The following NRG3 variants were observed in gnomAD, a reference collection of about 807,000 sequenced individuals.
NRG3 encodes neuregulin 3, also known as pro-neuregulin-3, membrane-bound isoform.
A neutral mutation model predicts 66.9 loss-of-function variants in NRG3; 31 were observed. The ratio of observed to expected loss-of-function variants is 0.46; its 90% CI spans 0.35 to 0.63. The LOEUF (loss-of-function observed/expected upper bound fraction) is 0.63, where lower values mean the gene tolerates loss of function less well. NRG3 is among the 20% of genes least tolerant of loss of function. The pLI is 0.00. For synonymous variants in NRG3, 393 were observed against 359.4 expected (o/e 1.09, Z -1.06); for missense variants, 910 against 878.9 (o/e 1.04, Z -0.45).
chr10:82,845,042 C>A (rs2135782651), intron 3 of NRG3, among the ~76,000 whole-genome samples: 1 of 152,230 alleles, frequency 6.6e-6, no homozygotes, highest in Non-Finnish European at 1.5e-5. Context: ...GTAATCCCAG[C>A]TACCTGGGAG....
intron 2 of NRG3, among the ~76,000 whole-genome samples, chr10:82,369,584 A>G (rs1391492082): frequency 7.2e-6 from 1 of 138,204 alleles, no homozygotes; most frequent in African/African-American, 3.4e-5. Flanking sequence ...ATAGGTGTAA[A>G]CCACGGTGCC....
At chr10:82,209,948 T>G (rs1296007412) in intron 1 of NRG3, among the ~76,000 whole-genome samples, 1 of 152,234 alleles carries the variant, frequency 6.6e-6, no homozygotes, top group African/African-American at 2.4e-5. Context: ...AAATCAAGGA[T>G]ATATATTTTC....
At chr10:82,825,787 C>T (rs764747025) in intron 3 of NRG3, among the ~76,000 whole-genome samples, 8 of 152,102 alleles carry the variant, frequency 5.3e-5, no homozygotes, top group African/African-American at 1.2e-4. Flanking sequence ...ATGTAACATA[C>T]GATTAAATAT....
intron 2 of NRG3, among the ~76,000 whole-genome samples, chr10:82,559,074 T>A (rs1414086537): frequency 6.6e-6 from 1 of 152,192 alleles, no homozygotes; most frequent in African/African-American, 2.4e-5. Flanking sequence ...TTTGTATGCA[T>A]GCATAAAATT....
intron 3 of NRG3, among the ~76,000 whole-genome samples, chr10:82,792,292 A>G (rs907695184): frequency 1.3e-5 from 2 of 152,170 alleles, no homozygotes; most frequent in South Asian, 4.1e-4. Flanking sequence ...ACTCTTCTTC[A>G]TTGATAGGTC....
chr10:82,198,830 C>T (rs138946469), intron 1 of NRG3, among the ~76,000 whole-genome samples: 1 of 152,062 alleles, frequency 6.6e-6, no homozygotes, highest in East Asian at 1.9e-4. Flanking sequence ...AACCCCGTCT[C>T]TACTAAAAAT....
At chr10:82,678,267 G>T (rs1374720806) in intron 2 of NRG3, among the ~76,000 whole-genome samples, 1 of 152,114 alleles carries the variant, frequency 6.6e-6, no homozygotes, top group African/African-American at 2.4e-5. Flanking sequence ...GGTGCAGGCG[G>T]GTTGAGTCCG....
chr10:81,913,336 A>T (rs1466373250), intron 1 of NRG3, among the ~76,000 whole-genome samples: 2 of 151,990 alleles, frequency 1.3e-5, no homozygotes, highest in Non-Finnish European at 2.9e-5. Flanking sequence ...GCCAAGTGCT[A>T]TTACTGTCTT....
intron 1 of NRG3, among the ~76,000 whole-genome samples, chr10:81,935,876 A>AACACAC (rs55670416): frequency 0.014 from 1,916 of 132,450 alleles, 18 homozygotes; most frequent in African/African-American, 0.019. Context: ...TCAGTGCCTG[A>AACACAC]ACACACACAC....
intron 1 of NRG3, among the ~76,000 whole-genome samples, chr10:82,130,397 G>A (rs562154998): frequency 6.6e-6 from 1 of 150,808 alleles, no homozygotes; most frequent in Admixed American, 6.6e-5. Flanking sequence ...CCCACAACAG[G>A]CCCCAGTGTG....
At chr10:82,068,847 C>T (rs568700553) in intron 1 of NRG3, among the ~76,000 whole-genome samples, 3 of 152,012 alleles carry the variant, frequency 2.0e-5, no homozygotes, top group African/African-American at 7.2e-5. Context: ...ATGAAATAAT[C>T]GTATTTGTGT....
chr10:82,884,336 T>C (rs1842552930), intron 4 of NRG3, among the ~76,000 whole-genome samples: 1 of 152,188 alleles, frequency 6.6e-6, no homozygotes, highest in Non-Finnish European at 1.5e-5. Flanking sequence ...GTTCTAACTT[T>C]CGTCATCTTT....
At chr10:82,189,563 G>A (rs562159887) in intron 1 of NRG3, among the ~76,000 whole-genome samples, 6 of 152,014 alleles carry the variant, frequency 3.9e-5, no homozygotes, top group South Asian at 4.2e-4. Context: ...AGGCCAATGC[G>A]GGCAGATCAC....
chr10:81,902,106 G>T lies in NRG3; in HGVS notation c.823+25943G>T, dbSNP rs1446786008. Among the ~76,000 whole-genome samples, 4 of 152,152 alleles carry T rather than the reference G, an allele frequency of 2.6e-5. No homozygotes were observed. In the East Asian group the frequency reaches 7.7e-4, roughly 29 times the overall value. On this transcript the variant is annotated intron_variant, in intron 1 of 8. Coordinates refer to ENST00000372141, the MANE Select transcript of NRG3 (RefSeq NM_001010848.4). Reference sequence around the variant, plus strand: ...TTGCAAGGGGATCTCTGCGTATTTTGTGAGTTTCCTCATTGTTCTCTCTAT... The same window carrying T: ...TTGCAAGGGGATCTCTGCGTATTTTTTGAGTTTCCTCATTGTTCTCTCTAT...
At chr10:82,139,410 C>G (rs570267683) in intron 1 of NRG3, among the ~76,000 whole-genome samples, 1 of 152,102 alleles carries the variant, frequency 6.6e-6, no homozygotes, top group Non-Finnish European at 1.5e-5. Context: ...TGCCATTATA[C>G]CACGTGAAAG....
chr10:82,668,775 T>C lies in NRG3; in HGVS notation c.954-69802T>C, dbSNP rs564073565. Among the ~76,000 whole-genome samples the C allele has an allele frequency of 2.0e-5, 3 of 152,266 alleles. No homozygotes were observed. In the South Asian group the frequency reaches 6.2e-4, roughly 32 times the overall value. ...ATGTGCCAGATTATCTCGAAGGCTC[T>C]GGTGACCTTAGGATGAACAAAAAAT... On this transcript the variant is annotated intron_variant, in intron 2 of 8. Transcript: ENST00000372141.
chr10:82,103,014 T>C (rs1198794769), intron 1 of NRG3, among the ~76,000 whole-genome samples: 2 of 152,160 alleles, frequency 1.3e-5, no homozygotes, highest in African/African-American at 4.8e-5. Context: ...CAGCATTTCT[T>C]TCAGAACATA....
At chr10:82,892,103 A>G (rs1030450151) in intron 4 of NRG3, among the ~76,000 whole-genome samples, 1 of 152,162 alleles carries the variant, frequency 6.6e-6, no homozygotes, top group African/African-American at 2.4e-5. Context: ...AATAAATTCA[A>G]CTTGGTTGGG....
chr10:82,642,462 C>CTAG (rs1411435699), intron 2 of NRG3, among the ~76,000 whole-genome samples: 14 of 152,016 alleles, frequency 9.2e-5, no homozygotes, highest in East Asian at 3.9e-4. Context: ...CACTCATGAA[C>CTAG]TAGTATTGTT....
Sources: allele counts gnomAD v4.1 joint callset (sites outside exome capture counted in the v4.1 genomes callset), GRCh38; gene constraint gnomAD v4.1.1; transcripts MANE v1.5; gene names NCBI Gene and HGNC (gene_info 2026-07-23, HGNC 2026-07-21).